The following RFTN1 variants were observed in gnomAD, a reference collection of about 807,000 sequenced individuals.
RFTN1 encodes raftlin, lipid raft linker 1.
A neutral mutation model predicts 46.5 loss-of-function variants in RFTN1; 26 were observed. The observed-to-expected ratio is 0.56, with a 90% CI of 0.41 to 0.78. The LOEUF (loss-of-function observed/expected upper bound fraction) is 0.78, where lower values mean the gene tolerates loss of function less well. RFTN1 is among the 30% of genes least tolerant of loss of function. The pLI is 0.00. For synonymous variants in RFTN1, 261 were observed against 284.2 expected (o/e 0.92, Z 0.82); for missense variants, 693 against 718.7 (o/e 0.96, Z 0.41).
Position 16,433,749 on chromosome 3 carries a change from A to G in RFTN1, c.332+102T>C, listed in dbSNP as rs2303851. On this transcript the variant is annotated intron_variant, in intron 3 of 9. Transcript: ENST00000334133. This position sits in a 1 kb window ranked among gnomAD's most constrained non-coding sequence, Gnocchi z 4.4. ...TGAGGGCTGAGGCCCTGAGGACAGC[A>G]TGCAAATTTCAACCCCCAACCCCAT... The G allele has an allele frequency of 0.12, 146,848 of 1,221,568 alleles. 9,840 individuals carry two copies. The highest frequency in any genetic ancestry group is 0.14 in the Middle Eastern group (533 of 3,812). 75.7% of individuals were successfully genotyped at this position (1,221,568 alleles called of 1,614,324 possible).
chr3:16,369,452 G>A (rs559176225), intron 6 of RFTN1, among the ~76,000 whole-genome samples: 3 of 152,338 alleles, frequency 2.0e-5, no homozygotes, highest in Non-Finnish European at 2.9e-5. Flanking sequence ...TTGCCTTCTC[G>A]TTAACCTAAA....
rs1488915003 is a variant in RFTN1 at position 16,356,482 on chromosome 3, G to C, written c.1146+1450C>G. ...AGCAGTTATTTCTCATCCCTGTTCA[G>C]ACGCAGGTATGCCCCCCAACAGCCT... On this transcript the variant is annotated intron_variant, in intron 7 of 9. Transcript: ENST00000334133. The surrounding 1 kb of genome is among the most constrained non-coding windows in gnomAD (Gnocchi z 4.9). Among the ~76,000 whole-genome samples the C allele has an allele frequency of 7.4e-6, 1 of 134,432 alleles. No homozygotes were observed. The highest frequency in any genetic ancestry group is 2.3e-4 in the East Asian group (1 of 4,298). The allele number at this position is 134,432 out of a possible 152,430, so 88.2% of individuals were successfully genotyped here. A position where few individuals can be genotyped will look rare whatever the true frequency, so the allele number is the denominator to read the frequency against.
rs577256117 is a variant in RFTN1 at position 16,442,896 on chromosome 3, T to C, written c.146-8859A>G. On this transcript the variant is annotated intron_variant, in intron 2 of 9. Transcript: ENST00000334133. This position sits in a 1 kb window ranked among gnomAD's most constrained non-coding sequence, Gnocchi z 4.1. ...TGTCCTCTAGATTCAGCCATGCTGT[T>C]GTAAATGGAGGATCATCTTCTTTTT... Among the ~76,000 whole-genome samples, 2 of 152,262 alleles carry C rather than the reference T, an allele frequency of 1.3e-5. No homozygotes were observed. The highest frequency in any genetic ancestry group is 1.3e-4 in the Admixed American group (2 of 15,286).
intron 4 of RFTN1, among the ~76,000 whole-genome samples, chr3:16,397,906 C>A (rs1038047964): frequency 1.3e-5 from 2 of 152,142 alleles, no homozygotes; most frequent in Admixed American, 6.5e-5. Flanking sequence ...TTAAACCAAG[C>A]AAGCAAGTTT....
chr3:16,438,950 A>G lies in RFTN1; in HGVS notation c.146-4913T>C, dbSNP rs535953522. On this transcript the variant is annotated intron_variant, in intron 2 of 9. Coordinates refer to ENST00000334133, the MANE Select transcript of RFTN1 (RefSeq NM_015150.2). ...GTGCACTAAAAATGTTAGTCAATCA[A>G]CCACTTTATATTTAAATGCTTCCTG... 2.0e-5 allele frequency among the ~76,000 whole-genome samples: 3 copies of G among 152,276 alleles called. No homozygotes were observed. In the South Asian group the frequency reaches 6.2e-4, roughly 32 times the overall value.
chr3:16,419,837 G>A (rs567817031), intron 3 of RFTN1, among the ~76,000 whole-genome samples: 8 of 152,154 alleles, frequency 5.3e-5, no homozygotes, highest in East Asian at 1.9e-4. Flanking sequence ...CCTTTCTTCC[G>A]ATGTTCCCTT....
At chr3:16,403,053 T>G (rs1380171341) in intron 4 of RFTN1, among the ~76,000 whole-genome samples, 2 of 152,140 alleles carry the variant, frequency 1.3e-5, no homozygotes, top group Non-Finnish European at 2.9e-5. Flanking sequence ...GCAATTTCCA[T>G]CAGCAGAACC....
At chr3:16,464,544 T>C (rs2076059012) in intron 2 of RFTN1, among the ~76,000 whole-genome samples, 2 of 152,252 alleles carry the variant, frequency 1.3e-5, no homozygotes, top group African/African-American at 4.8e-5. Context: ...GTGTTTTCAT[T>C]GTCATAATTA....
At chr3:16,375,218 T>G in intron 5 of RFTN1, among the ~76,000 whole-genome samples, 1 of 151,914 alleles carries the variant, frequency 6.6e-6, no homozygotes, top group Non-Finnish European at 1.5e-5. Context: ...GGGGCCCGTG[T>G]GTGCCTGTGG....
rs2071903981 is a variant in RFTN1 at position 16,348,824 on chromosome 3, AAGC to A, written c.1146+9105_1146+9107del. 6.6e-6 allele frequency among the ~76,000 whole-genome samples: 1 copy of A among 152,164 alleles called. No homozygotes were observed. Among genetic ancestry groups the A allele is most frequent in the African/African-American group, 2.4e-5 (1 of 41,438 alleles). ...AGTCCAGCCCACCTGCCCCACTGGGAAGCAGGAGGACTGGTTTTGGTCCAATAG... is the reference window on the plus strand; with the variant it reads ...AGTCCAGCCCACCTGCCCCACTGGGAAGGAGGACTGGTTTTGGTCCAATAG... On this transcript the variant is annotated intron_variant, in intron 7 of 9. Transcript: ENST00000334133. This position sits in a 1 kb window ranked among gnomAD's most constrained non-coding sequence, Gnocchi z 6.3.
chr3:16,326,639 A>G (rs954824008), intron 8 of RFTN1, 134 bp downstream of exon 8: 3 of 663,756 alleles, frequency 4.5e-6, no homozygotes, highest in Admixed American at 2.8e-5. Context: ...GCTGCTTCCC[A>G]GTGGGAGAGT....
Position 16,353,409 on chromosome 3 carries a change from C to T in RFTN1, c.1146+4523G>A, listed in dbSNP as rs78465556. 0.023 allele frequency among the ~76,000 whole-genome samples: 3,437 copies of T among 152,234 alleles called. 133 individuals are homozygous for T. The highest frequency in any genetic ancestry group is 0.079 in the African/African-American group (3,272 of 41,502). ...AGCTGAGGTGCGGGGGAACCTGTCC[C>T]GGACTGGACATTGCTGGGCTGTGCT... On this transcript the variant is annotated intron_variant, in intron 7 of 9. Transcript: ENST00000334133. The surrounding 1 kb of genome is among the most constrained non-coding windows in gnomAD (Gnocchi z 5.4).
At position 16,352,446 on chromosome 3, in the gene RFTN1, T is replaced by A. The variant is rs763608316; in HGVS notation, c.1146+5486A>T. On this transcript the variant is annotated intron_variant, in intron 7 of 9. Coordinates refer to ENST00000334133, the MANE Select transcript of RFTN1 (RefSeq NM_015150.2). This position sits in a 1 kb window ranked among gnomAD's most constrained non-coding sequence, Gnocchi z 4.6. ...AGAATTACCCTTTCTGCTCACATACTAGACTGTAAACTCAAAGAAAGTAAA... is the reference window on the plus strand; with the variant it reads ...AGAATTACCCTTTCTGCTCACATACAAGACTGTAAACTCAAAGAAAGTAAA... Among the ~76,000 whole-genome samples the A allele has an allele frequency of 6.6e-6, 1 of 152,226 alleles. No homozygotes were observed. Among genetic ancestry groups the A allele is most frequent in the Non-Finnish European group, 1.5e-5 (1 of 68,038 alleles).
rs910740308 is a variant in RFTN1, at chr3:16,422,492, G to C, written c.332+11359C>G. ...AAAAATACAAAAAAATTAGCTGGGC[G>C]TGGTGGCACGTGCCTGTAATCCCAG... is the stretch of plus-strand genomic sequence containing the variant. On this transcript the variant is annotated intron_variant, in intron 3 of 9. Coordinates refer to ENST00000334133, the MANE Select transcript of RFTN1 (RefSeq NM_015150.2). This position sits in a 1 kb window ranked among gnomAD's most constrained non-coding sequence, Gnocchi z 4.6. Among the ~76,000 whole-genome samples the C allele has an allele frequency of 1.3e-5, 2 of 152,028 alleles. No homozygotes were observed. Among genetic ancestry groups the C allele is most frequent in the African/African-American group, 4.8e-5 (2 of 41,384 alleles).
intron 2 of RFTN1, among the ~76,000 whole-genome samples, chr3:16,491,447 G>T (rs943732315): frequency 6.6e-6 from 1 of 152,244 alleles, no homozygotes; most frequent in African/African-American, 2.4e-5. Flanking sequence ...GGCAGGAGCA[G>T]GGAGGCCACG....
At chr3:16,391,353 A>T (rs580455) in intron 4 of RFTN1, among the ~76,000 whole-genome samples, 85,765 of 152,078 alleles carry the variant, frequency 0.56, 26,407 homozygotes, top group African/African-American at 0.82. Flanking sequence ...CCTGGGTTAC[A>T]TGTATAGAAT....
chr3:16,448,909 C>CAGTA lies in RFTN1; in HGVS notation c.146-14876_146-14873dup, dbSNP rs1224984517. ...TATTCATAGCAGAAATATCAATAGA[C>CAGTA]AGTAGGCCCTCCAGTTGGTTGTGTT... On this transcript the variant is annotated intron_variant, in intron 2 of 9. Coordinates refer to ENST00000334133, the MANE Select transcript of RFTN1 (RefSeq NM_015150.2). This position sits in a 1 kb window ranked among gnomAD's most constrained non-coding sequence, Gnocchi z 4.1. Among the ~76,000 whole-genome samples the CAGTA allele has an allele frequency of 2.0e-5, 3 of 152,184 alleles. No individual in the cohort carries two copies. Among genetic ancestry groups the CAGTA allele is most frequent in the African/African-American group, 7.2e-5 (3 of 41,444 alleles).
rs534402989 is a variant in RFTN1, at chr3:16,456,040, T to C, written c.146-22003A>G. ...TTTCCTGGGAATCCACTTACTATTC[T>C]GTGATCAAGGACAGCAAATGAAAAT... On this transcript the variant is annotated intron_variant, in intron 2 of 9. Coordinates refer to ENST00000334133, the MANE Select transcript of RFTN1 (RefSeq NM_015150.2). Among the ~76,000 whole-genome samples the C allele has an allele frequency of 5.4e-5, 8 of 147,292 alleles. No homozygotes were observed. In the East Asian group the frequency reaches 1.5e-3, roughly 28 times the overall value.
intron 3 of RFTN1, among the ~76,000 whole-genome samples, chr3:16,430,115 G>A (rs1057047758): frequency 6.6e-6 from 1 of 150,794 alleles, no homozygotes; most frequent in African/African-American, 2.4e-5. Flanking sequence ...TTTTTTTTTT[G>A]TTGTTGTTGT....
Sources: allele counts gnomAD v4.1 joint callset (sites outside exome capture counted in the v4.1 genomes callset), GRCh38; gene constraint gnomAD v4.1.1; non-coding constraint Gnocchi (gnomAD v3.1); transcripts MANE v1.5; gene names NCBI Gene and HGNC (gene_info 2026-07-23, HGNC 2026-07-21).